The following MSI2 variants were observed in gnomAD, a reference collection of about 807,000 sequenced individuals.
MSI2 encodes musashi RNA binding protein 2, also known as RNA-binding protein Musashi homolog 2.
Under a neutral mutation model 45.6 loss-of-function variants are expected in MSI2, and 17 were observed. The ratio of observed to expected loss-of-function variants is 0.37; its 90% CI spans 0.26 to 0.56. The LOEUF (loss-of-function observed/expected upper bound fraction) is 0.56, where lower values mean the gene tolerates loss of function less well. Ranked by LOEUF, MSI2 falls within the 20% of genes least tolerant of loss-of-function variation. The pLI is 0.77. For missense variants in MSI2, 293 were observed against 444.2 expected, an observed-to-expected ratio of 0.66 and a Z score of 3.06; for synonymous variants, 156 against 158.2, an observed-to-expected ratio of 0.99 and a Z score of 0.11.
the MSI2 span, among the ~76,000 whole-genome samples, chr17:57,701,235 A>G: frequency 6.6e-6 from 1 of 152,196 alleles, no homozygotes; most frequent in East Asian, 1.9e-4. Flanking sequence ...TTAGGTTGCT[A>G]TGAGACCTAA....
chr17:57,473,812 T>C (rs946386973), intron 6 of MSI2, among the ~76,000 whole-genome samples: 2 of 152,142 alleles, frequency 1.3e-5, no homozygotes, highest in Non-Finnish European at 2.9e-5. Flanking sequence ...TGCAAGCAGC[T>C]CTTTGTAAAG....
intron 6 of MSI2, among the ~76,000 whole-genome samples, chr17:57,446,674 T>C (rs16958404): frequency 0.022 from 3,314 of 152,304 alleles, 105 homozygotes; most frequent in African/African-American, 0.076. Flanking sequence ...GTCAAAGAGA[T>C]GCACTCACAT....
At chr17:57,397,559 G>A (rs1413021682) in intron 5 of MSI2, among the ~76,000 whole-genome samples, 1 of 152,206 alleles carries the variant, frequency 6.6e-6, no homozygotes, top group African/African-American at 2.4e-5. Flanking sequence ...GCCCTCCTCA[G>A]TAGCCATGGA....
chr17:57,291,294 A>T (rs971078256), intron 5 of MSI2, among the ~76,000 whole-genome samples: 2 of 152,182 alleles, frequency 1.3e-5, no homozygotes, highest in East Asian at 1.9e-4. Context: ...CGCTGTGTAC[A>T]TGTGTGATCA....
chr17:57,673,721 C>A (rs1302884992), intron 11 of MSI2, among the ~76,000 whole-genome samples: 2 of 149,326 alleles, frequency 1.3e-5, no homozygotes, highest in Non-Finnish European at 3.0e-5. Context: ...ATTGGGGGGG[C>A]CGAGGCAGTG....
At chr17:57,500,373 G>T (rs1485166205) in intron 6 of MSI2, among the ~76,000 whole-genome samples, 1 of 151,356 alleles carries the variant, frequency 6.6e-6, no homozygotes. Flanking sequence ...ATCTCTCTTC[G>T]CCACCATATG....
At chr17:57,526,015 A>C (rs1334719630) in intron 6 of MSI2, among the ~76,000 whole-genome samples, 1 of 152,168 alleles carries the variant, frequency 6.6e-6, no homozygotes, top group East Asian at 1.9e-4. Flanking sequence ...TCACAAGGTC[A>C]GGAGTTCAAG....
At chr17:57,436,440 A>G (rs2084691834) in intron 6 of MSI2, among the ~76,000 whole-genome samples, 1 of 152,214 alleles carries the variant, frequency 6.6e-6, no homozygotes, top group Non-Finnish European at 1.5e-5. Context: ...AACCTTTTGT[A>G]CTTGTGTTCT....
At chr17:57,598,765 C>A (rs1905524907) in intron 8 of MSI2, among the ~76,000 whole-genome samples, 1 of 152,132 alleles carries the variant, frequency 6.6e-6, no homozygotes, top group Admixed American at 6.5e-5. Flanking sequence ...CGGGCTCAAG[C>A]AATTCTCCTG....
At chr17:57,687,315 T>C (rs951357301), downstream of MSI2, among the ~76,000 whole-genome samples, 5 of 151,518 alleles carry the variant, frequency 3.3e-5, no homozygotes, top group African/African-American at 4.8e-5. Context: ...AAAAAAGAAA[T>C]TGATAAATAG....
chr17:57,590,516 G>C (rs1379419565), intron 7 of MSI2, among the ~76,000 whole-genome samples: 1 of 152,198 alleles, frequency 6.6e-6, no homozygotes, highest in African/African-American at 2.4e-5. Flanking sequence ...ACTGTTAAAT[G>C]CTTATCTCTT....
intron 11 of MSI2, among the ~76,000 whole-genome samples, chr17:57,654,915 G>GTTT (rs11319236): frequency 8.1e-5 from 11 of 135,414 alleles, no homozygotes; most frequent in Non-Finnish European, 1.1e-4. Context: ...CAACGTTTGG[G>GTTT]TTTTTTTTTT....
chr17:57,266,972 A>C (rs1907847897), intron 5 of MSI2: 1 of 152,344 alleles, frequency 6.6e-6, no homozygotes, highest in Non-Finnish European at 1.5e-5. Flanking sequence ...GCACGCATCC[A>C]GATGGGTGCA....
chr17:57,362,185 C>CT (rs2143906909), intron 5 of MSI2, among the ~76,000 whole-genome samples: 1 of 152,286 alleles, frequency 6.6e-6, no homozygotes, highest in Non-Finnish European at 1.5e-5. Context: ...GGTTGGCTTT[C>CT]AATGGCCAGG....
chr17:57,497,859 G>A (rs2086013564), intron 6 of MSI2, among the ~76,000 whole-genome samples: 1 of 152,178 alleles, frequency 6.6e-6, no homozygotes, highest in Non-Finnish European at 1.5e-5. Flanking sequence ...TAGATGCCTA[G>A]GTATTAGTTT....
rs2084110366 is a variant in MSI2, at chr17:57,407,698, CCTT to C, written c.405+6232_405+6234del. Among the ~76,000 whole-genome samples the C allele has an allele frequency of 1.3e-5, 2 of 152,110 alleles. No individual in the cohort carries two copies. Among genetic ancestry groups the C allele is most frequent in the South Asian group, 2.1e-4 (1 of 4,816 alleles). On this transcript the variant is annotated intron_variant, in intron 6 of 13. Coordinates refer to ENST00000284073, the MANE Select transcript of MSI2 (RefSeq NM_138962.4). This position sits in a 1 kb window ranked among gnomAD's most constrained non-coding sequence, Gnocchi z 4.1. The stretch of plus-strand genomic sequence containing the variant: ...GAGAGCCTGGGTGTTGCCCTTCAGA[CCTT>C]CTTCAACGACAATTGTAGGCTGGAC...
chr17:57,361,227 C>A (rs1016220041), intron 5 of MSI2, among the ~76,000 whole-genome samples: 1 of 152,136 alleles, frequency 6.6e-6, no homozygotes, highest in East Asian at 1.9e-4. Context: ...CTGATAACAT[C>A]AACAGTTGAT....
intron 6 of MSI2, among the ~76,000 whole-genome samples, chr17:57,508,990 C>T (rs2086294823): frequency 6.6e-6 from 1 of 152,126 alleles, no homozygotes; most frequent in Non-Finnish European, 1.5e-5. Flanking sequence ...GTGAGAGGAC[C>T]CCTGAGTCAG....
intron 5 of MSI2, among the ~76,000 whole-genome samples, chr17:57,389,001 C>T (rs770736889): frequency 4.7e-4 from 54 of 114,390 alleles, no homozygotes; most frequent in Non-Finnish European, 7.6e-4. Context: ...TTTTTTGATA[C>T]GGAGTCTCAC....
Sources: allele counts gnomAD v4.1 joint callset (sites outside exome capture counted in the v4.1 genomes callset), GRCh38; gene constraint gnomAD v4.1.1; non-coding constraint Gnocchi (gnomAD v3.1); transcripts MANE v1.5; gene names NCBI Gene and HGNC (gene_info 2026-07-23, HGNC 2026-07-21).